The following TMED10 variants were observed in gnomAD, a reference collection of about 807,000 sequenced individuals.
TMED10 encodes transmembrane p24 trafficking protein 10, also known as transmembrane emp24 domain-containing protein 10.
In TMED10, 7 loss-of-function variants were observed where a neutral mutation model predicts 23.1. That is an observed-to-expected ratio of 0.30 (90% CI 0.17 to 0.57). TMED10 has a LOEUF of 0.57. Among genes scored for constraint, TMED10 ranks in the 20% least tolerant of loss-of-function variants. TMED10 has a pLI of 0.91. For missense variants in TMED10, 162 were observed against 274.8 expected (o/e 0.59, Z 2.90); for synonymous variants, 113 against 106.9 (o/e 1.06, Z -0.35).
intron 2 of TMED10, 174 bp from the exon 3 acceptor site, chr14:75,147,911 A>G: frequency 3.1e-6 from 2 of 645,848 alleles, no homozygotes; most frequent in East Asian, 2.8e-5. Context: ...TAAAATCACA[A>G]ACATTCCAGA....
At chr14:75,153,527 GCAC>G (rs1448549499) in intron 1 of TMED10, among the ~76,000 whole-genome samples, 1 of 152,148 alleles carries the variant, frequency 6.6e-6, no homozygotes, top group Non-Finnish European at 1.5e-5. Flanking sequence ...CATTTCTAGA[GCAC>G]GTGGCTGTCT....
chr14:75,159,156 C>T (rs564090549), intron 1 of TMED10, among the ~76,000 whole-genome samples: 2 of 152,286 alleles, frequency 1.3e-5, no homozygotes, highest in African/African-American at 2.4e-5. Flanking sequence ...AAAAGGTAGA[C>T]AGCAGGAATA....
chr14:75,168,227 G>T (rs1896188545), intron 1 of TMED10, among the ~76,000 whole-genome samples: 1 of 152,066 alleles, frequency 6.6e-6, no homozygotes, highest in South Asian at 2.1e-4. Flanking sequence ...TCATTATAGT[G>T]CTTATCACTA....
At chr14:75,168,468 T>C (rs1393479407) in intron 1 of TMED10, among the ~76,000 whole-genome samples, 1 of 152,174 alleles carries the variant, frequency 6.6e-6, no homozygotes, top group Non-Finnish European at 1.5e-5. Flanking sequence ...TGAGAAGCAA[T>C]TCAATTTTCA....
chr14:75,176,299 C>T, intron 1 of TMED10, 56 bp downstream of exon 1: 1 of 1,601,942 alleles, frequency 6.2e-7, no homozygotes, highest in Non-Finnish European at 8.5e-7. Flanking sequence ...ACCCGAGCCT[C>T]CCCTCGCCTA....
chr14:75,161,817 A>C (rs1896088363), intron 1 of TMED10, among the ~76,000 whole-genome samples: 1 of 150,972 alleles, frequency 6.6e-6, no homozygotes, highest in Admixed American at 6.6e-5. Context: ...GCACAACTGC[A>C]TTTAAAAAAA....
intron 3 of TMED10, chr14:75,137,015 C>CT (rs778501589): frequency 0.019 from 2,604 of 138,958 alleles, 61 homozygotes; most frequent in African/African-American, 0.059. Context: ...CTTTCCAGAT[C>CT]TTTTTTTTTT....
chr14:75,137,988 C>T lies in TMED10; in HGVS notation c.412-2102G>A, dbSNP rs142516757. Among the ~76,000 whole-genome samples the T allele has an allele frequency of 4.0e-3, 604 of 152,190 alleles. 4 individuals are homozygous for T. The highest frequency in any genetic ancestry group is 0.014 in the African/African-American group (581 of 41,530). ...CCTCCCAAAGTGCTGGGATTACAGGCGTGAGCCACTGCACCTGGCCTTAAT... is the reference window on the plus strand; with the variant it reads ...CCTCCCAAAGTGCTGGGATTACAGGTGTGAGCCACTGCACCTGGCCTTAAT... On this transcript the variant is annotated intron_variant, in intron 3 of 4. Transcript: ENST00000303575.
At chr14:75,147,920 G>C in intron 2 of TMED10, 183 bp from the exon 3 acceptor site, 3 of 633,874 alleles carry the variant, frequency 4.7e-6, no homozygotes, top group Non-Finnish European at 8.4e-6. Context: ...AAACATTCCA[G>C]ACAAAGCCTC....
At chr14:75,141,622 A>G (rs913100412) in intron 3 of TMED10, among the ~76,000 whole-genome samples, 1 of 152,200 alleles carries the variant, frequency 6.6e-6, no homozygotes, top group African/African-American at 2.4e-5. Context: ...GTATTAAATA[A>G]TTTGCCCAAA....
At chr14:75,142,954 G>A (rs1332358752) in intron 3 of TMED10, among the ~76,000 whole-genome samples, 1 of 152,062 alleles carries the variant, frequency 6.6e-6, no homozygotes, top group Non-Finnish European at 1.5e-5. Context: ...TGCCTCCCAG[G>A]TTCAAATGAT....
intron 1 of TMED10, among the ~76,000 whole-genome samples, chr14:75,173,170 G>A (rs1896256341): frequency 6.6e-6 from 1 of 152,220 alleles, no homozygotes; most frequent in Non-Finnish European, 1.5e-5. Flanking sequence ...CGGATCACTT[G>A]AGCCCAGGAG....
chr14:75,169,911 T>C (rs1405458389), intron 1 of TMED10, among the ~76,000 whole-genome samples: 1 of 152,064 alleles, frequency 6.6e-6, no homozygotes, highest in Non-Finnish European at 1.5e-5. Flanking sequence ...GGAGAATCCT[T>C]GAAGCAGTCG....
At chr14:75,145,716 G>A (rs1372859626) in intron 3 of TMED10, among the ~76,000 whole-genome samples, 1 of 152,150 alleles carries the variant, frequency 6.6e-6, no homozygotes, top group Admixed American at 6.5e-5. Flanking sequence ...GAACCCGGGA[G>A]GCGGAGCTTG....
At chr14:75,135,607 A>G in intron 4 of TMED10, 153 bp downstream of exon 4, 1 of 1,061,282 alleles carries the variant, frequency 9.4e-7, no homozygotes, top group Non-Finnish European at 1.3e-6. Context: ...AACAAGGCTC[A>G]TTTACCTTTA....
chr14:75,164,546 TATATATATATATATATATA>T (rs1896127634), intron 1 of TMED10, among the ~76,000 whole-genome samples: 4 of 33,612 alleles, frequency 1.2e-4, no homozygotes, highest in African/African-American at 2.9e-4. Context: ...TATATATATA[TATATATATATATATATATA>T]TATATATATA....
At chr14:75,148,768 A>G (rs1273745640) in intron 2 of TMED10, among the ~76,000 whole-genome samples, 2 of 152,246 alleles carry the variant, frequency 1.3e-5, no homozygotes, top group Non-Finnish European at 2.9e-5. Context: ...TACTCATTGA[A>G]AACTCACTAA....
chr14:75,136,029 G>C, intron 3 of TMED10, 143 bp from the exon 4 acceptor site: 1 of 1,248,710 alleles, frequency 8.0e-7, no homozygotes, highest in East Asian at 2.6e-5. Flanking sequence ...TTTAAAATTT[G>C]GGCTTCTTTC....
At chr14:75,162,313 G>A (rs1339884086) in intron 1 of TMED10, among the ~76,000 whole-genome samples, 1 of 152,078 alleles carries the variant, frequency 6.6e-6, no homozygotes, top group Non-Finnish European at 1.5e-5. Context: ...ACAAGAATGC[G>A]GGTATGTCAA....
Sources: allele counts gnomAD v4.1 joint callset (sites outside exome capture counted in the v4.1 genomes callset), GRCh38; gene constraint gnomAD v4.1.1; transcripts MANE v1.5; gene names NCBI Gene and HGNC (gene_info 2026-07-23, HGNC 2026-07-21).